The following RFTN1 variants were observed in gnomAD, a reference collection of about 807,000 sequenced individuals.
RFTN1 encodes the protein raftlin, lipid raft linker 1, also known as raftlin.
RFTN1 carries 26 observed loss-of-function variants against 46.5 expected under a neutral mutation model. The observed-to-expected ratio is 0.56, with a 90% confidence interval of 0.41 to 0.78. The LOEUF is 0.78. Among genes scored for constraint, RFTN1 ranks in the 30% least tolerant of loss-of-function variants. The probability of loss-of-function intolerance (pLI) is 0.00; values close to 1 mark genes in which losing one functional copy is unlikely to be tolerated. For synonymous variants in RFTN1, 261 were observed against 284.2 expected (o/e 0.92, Z 0.82); for missense variants, 693 against 718.7 (o/e 0.96, Z 0.41).
chr3:16,405,892 A>G (rs1047887006), intron 4 of RFTN1, among the ~76,000 whole-genome samples: 4 of 152,208 alleles, frequency 2.6e-5, no homozygotes, highest in Non-Finnish European at 4.4e-5. Flanking sequence ...CACACAAAAT[A>G]ATGACCCAGA....
At chr3:16,486,876 G>A (rs1268109958) in intron 2 of RFTN1, among the ~76,000 whole-genome samples, 1 of 152,212 alleles carries the variant, frequency 6.6e-6, no homozygotes. Flanking sequence ...TCATAAGGAT[G>A]GGGCACAACG....
In RFTN1 at chr3:16,344,925, G is replaced by T. The variant is rs1333744124; in HGVS notation, c.1146+13007C>A. Among the ~76,000 whole-genome samples, 1 of 152,156 alleles carries T rather than the reference G, an allele frequency of 6.6e-6. No homozygotes were observed. The highest frequency in any genetic ancestry group is 2.4e-5 in the African/African-American group (1 of 41,428). On this transcript the variant is annotated intron_variant, in intron 7 of 9. Transcript: ENST00000334133. This position sits in a 1 kb window ranked among gnomAD's most constrained non-coding sequence, Gnocchi z 4.4. ...TTAATATACTTCAGTTCTCTCTGGA[G>T]AACCATTTGCCCTCTCTTCATCTGT... is the stretch of plus-strand genomic sequence containing the variant.
intron 4 of RFTN1, among the ~76,000 whole-genome samples, chr3:16,386,427 C>T (rs962319813): frequency 6.6e-6 from 1 of 152,172 alleles, no homozygotes; most frequent in African/African-American, 2.4e-5. Context: ...CCCTATCTTA[C>T]AGATTAGAGA....
chr3:16,357,153 C>A (rs962794514), intron 7 of RFTN1, among the ~76,000 whole-genome samples: 49 of 114,994 alleles, frequency 4.3e-4, no homozygotes, highest in East Asian at 3.0e-3. Context: ...AACAAACAAA[C>A]AAAAAAAACC....
At chr3:16,333,721 T>C (rs941298090) in intron 7 of RFTN1, among the ~76,000 whole-genome samples, 10 of 152,052 alleles carry the variant, frequency 6.6e-5, no homozygotes, top group South Asian at 2.1e-4. Context: ...GCAGCTCATA[T>C]TACAGAAAAA....
chr3:16,433,890 T>C lies in RFTN1; in HGVS notation c.293A>G (p.Glu98Gly), dbSNP rs2075444585. The change falls in exon 3 of 10, where the codon GAG becomes GGG. Residue 98 changes from glutamate to glycine, a missense_variant. Glu to Gly is a moderately conservative substitution (Grantham distance 98). Coordinates refer to ENST00000334133, the MANE Select transcript of RFTN1 (RefSeq NM_015150.2). This position sits in a 1 kb window ranked among gnomAD's most constrained non-coding sequence, Gnocchi z 4.4. The stretch of plus-strand genomic sequence containing the variant: ...GATCAGGATGGCTCTAAAGATGTGC[T>C]CCAGGGGCGTCTTCTCCCGCTCATG... ...PTHEREKTPL[E>G]HIFRAILIKK... The C allele has an allele frequency of 6.2e-7, 1 of 1,614,132 alleles. No individual in the cohort carries two copies. The highest frequency in any genetic ancestry group is 1.7e-5 in the Admixed American group (1 of 60,016).
intron 1 of RFTN1, among the ~76,000 whole-genome samples, chr3:16,508,183 G>C (rs757938282): frequency 5.9e-5 from 9 of 152,164 alleles, no homozygotes; most frequent in African/African-American, 2.2e-4. Context: ...CTGAAGTACT[G>C]TACACCCCAG....
At chr3:16,389,190 C>T (rs1308780078) in intron 4 of RFTN1, among the ~76,000 whole-genome samples, 1 of 152,190 alleles carries the variant, frequency 6.6e-6, no homozygotes, top group Non-Finnish European at 1.5e-5. Context: ...TTGGGCATTG[C>T]TATCCTAGTT....
intron 6 of RFTN1, among the ~76,000 whole-genome samples, chr3:16,360,179 T>C (rs2072739273): frequency 6.6e-6 from 1 of 152,092 alleles, no homozygotes; most frequent in African/African-American, 2.4e-5. Context: ...AGTTTCTTTT[T>C]TTTTTTGTTT....
At chr3:16,478,471 G>A (rs931539490) in intron 2 of RFTN1, among the ~76,000 whole-genome samples, 1 of 152,242 alleles carries the variant, frequency 6.6e-6, no homozygotes, top group African/African-American at 2.4e-5. Flanking sequence ...CCATGATGTT[G>A]TCTCTCATAT....
At chr3:16,399,378 T>C (rs1034092270) in intron 4 of RFTN1, among the ~76,000 whole-genome samples, 2 of 152,234 alleles carry the variant, frequency 1.3e-5, no homozygotes, top group African/African-American at 2.4e-5. Flanking sequence ...AAAAACATTT[T>C]GGATCATGCC....
At chr3:16,455,270 T>C (rs944603291) in intron 2 of RFTN1, among the ~76,000 whole-genome samples, 4 of 152,206 alleles carry the variant, frequency 2.6e-5, no homozygotes, top group Non-Finnish European at 4.4e-5. Context: ...GGAGAAATGA[T>C]GTTATTTTCA....
At chr3:16,333,936 C>T (rs59797238) in intron 7 of RFTN1, among the ~76,000 whole-genome samples, 14,807 of 152,150 alleles carry the variant, frequency 0.097, 1,069 homozygotes, top group African/African-American at 0.2. Flanking sequence ...GAGGCCGACG[C>T]GGGTAGAGCA....
chr3:16,351,388 C>T lies in RFTN1; in HGVS notation c.1146+6544G>A, dbSNP rs1040690581. On this transcript the variant is annotated intron_variant, in intron 7 of 9. Transcript: ENST00000334133. The surrounding 1 kb of genome is among the most constrained non-coding windows in gnomAD (Gnocchi z 5.4). ...ATGATATATCCATGATCAGAAATGT[C>T]TTGACAGGCTGGGGAAATGGGCAGA... 6.6e-6 allele frequency among the ~76,000 whole-genome samples: 1 copy of T among 152,162 alleles called. No homozygotes were observed. The highest frequency in any genetic ancestry group is 2.4e-5 in the African/African-American group (1 of 41,430).
rs1319049447 is a variant in RFTN1, at chr3:16,481,849, T to C, written c.145+11876A>G. Among the ~76,000 whole-genome samples the C allele has an allele frequency of 6.6e-6, 1 of 152,166 alleles. No individual in the cohort carries two copies. The highest frequency in any genetic ancestry group is 1.5e-5 in the Non-Finnish European group (1 of 68,044). On this transcript the variant is annotated intron_variant, in intron 2 of 9. Coordinates refer to ENST00000334133, the MANE Select transcript of RFTN1 (RefSeq NM_015150.2). This position sits in a 1 kb window ranked among gnomAD's most constrained non-coding sequence, Gnocchi z 5.1. ...TTTCCCTACCCTACCGCATATACTA[T>C]TTTCAGCAAAGGAGGAGTCTATATT...
chr3:16,488,164 G>T (rs902471897), intron 2 of RFTN1, among the ~76,000 whole-genome samples: 7 of 149,562 alleles, frequency 4.7e-5, no homozygotes, highest in Non-Finnish European at 8.9e-5. Flanking sequence ...GTGCAATGGT[G>T]CGATCTCAGC....
intron 3 of RFTN1, among the ~76,000 whole-genome samples, chr3:16,419,490 G>C (rs959981553): frequency 1.3e-5 from 2 of 152,176 alleles, no homozygotes; most frequent in Non-Finnish European, 2.9e-5. Flanking sequence ...GTGGACGGAA[G>C]AGCAGTATTT....
intron 3 of RFTN1, among the ~76,000 whole-genome samples, chr3:16,431,912 T>A: frequency 6.6e-6 from 1 of 152,198 alleles, no homozygotes; most frequent in East Asian, 1.9e-4. Flanking sequence ...GGATTAAGAA[T>A]GCAGGTACGG....
intron 2 of RFTN1, among the ~76,000 whole-genome samples, chr3:16,439,627 C>G (rs1343240787): frequency 6.6e-6 from 1 of 152,148 alleles, no homozygotes; most frequent in Non-Finnish European, 1.5e-5. Context: ...TAAAAGAGTT[C>G]CCCCAAACCA....
Sources: gnomAD v4.1 joint callset for allele counts (sites outside exome capture counted in the v4.1 genomes callset) on GRCh38, gnomAD v4.1.1 for gene constraint, Gnocchi (gnomAD v3.1) non-coding constraint, MANE v1.5 for transcripts, NCBI Gene and HGNC (gene_info 2026-07-23, HGNC 2026-07-21) for gene names.